WWOX: variants seen among roughly 807,000 people sequenced by gnomAD.
WWOX encodes WW domain-containing oxidoreductase.
Under a neutral mutation model 46.2 loss-of-function variants are expected in WWOX, and 69 were observed. That is an observed-to-expected ratio of 1.49 (90% CI 1.23 to 1.82). The LOEUF is 1.82. WWOX is among the 40% of genes most tolerant of loss of function. WWOX has a pLI of 0.00. For synonymous variants in WWOX, 359 were observed against 202.6 expected, an observed-to-expected ratio of 1.77 and a Z score of -6.56; for missense variants, 919 against 542.6, an observed-to-expected ratio of 1.69 and a Z score of -6.89.
intron 4 of WWOX, among the ~76,000 whole-genome samples, chr16:78,152,405 A>G (rs1026053862): frequency 5.9e-5 from 9 of 152,182 alleles, no homozygotes; most frequent in African/African-American, 9.7e-5. Flanking sequence ...TATTTGTAGG[A>G]TAAATTTCTG....
At chr16:78,977,776 A>G (rs372257655) in intron 8 of WWOX, among the ~76,000 whole-genome samples, 21 of 152,124 alleles carry the variant, frequency 1.4e-4, no homozygotes, top group African/African-American at 4.8e-4. Flanking sequence ...TAGGATCCCA[A>G]ACATGCACTC....
intron 8 of WWOX, among the ~76,000 whole-genome samples, chr16:78,718,732 T>G (rs11861663): frequency 0.029 from 4,484 of 152,114 alleles, 213 homozygotes; most frequent in African/African-American, 0.1. Context: ...GTTCCAATGT[T>G]TCTGAAGGAT....
intron 8 of WWOX, among the ~76,000 whole-genome samples, chr16:78,536,667 C>T (rs1339113518): frequency 4.6e-5 from 7 of 152,094 alleles, no homozygotes; most frequent in Non-Finnish European, 7.4e-5. Flanking sequence ...GGGATTGTGC[C>T]GGTTTAGCCA....
At chr16:79,112,225 T>A (rs144451554) in intron 8 of WWOX, among the ~76,000 whole-genome samples, 19 of 152,294 alleles carry the variant, frequency 1.2e-4, no homozygotes, top group Non-Finnish European at 2.4e-4. Flanking sequence ...GACTCTTGGT[T>A]TGTGTCTACT....
intron 5 of WWOX, among the ~76,000 whole-genome samples, chr16:78,282,476 C>T (rs2079695778): frequency 1.3e-5 from 2 of 152,152 alleles, no homozygotes; most frequent in Admixed American, 6.5e-5. Flanking sequence ...TGATACCTGC[C>T]TTGCGTTCTG....
At chr16:78,426,177 T>A (rs1425016229) in intron 7 of WWOX, among the ~76,000 whole-genome samples, 1 of 152,214 alleles carries the variant, frequency 6.6e-6, no homozygotes, top group Non-Finnish European at 1.5e-5. Context: ...TAACAAAATC[T>A]GGACAGCCTT....
intron 5 of WWOX, among the ~76,000 whole-genome samples, chr16:78,199,672 T>C (rs1318261084): frequency 6.6e-6 from 1 of 152,220 alleles, no homozygotes; most frequent in Admixed American, 6.5e-5. Flanking sequence ...TGAGCCTGCG[T>C]AGATGATCTT....
chr16:79,078,598 C>G (rs1014049037), intron 8 of WWOX, among the ~76,000 whole-genome samples: 7 of 152,166 alleles, frequency 4.6e-5, no homozygotes, highest in African/African-American at 7.2e-5. Context: ...ATCTGAGTTC[C>G]TGGGAGCATT....
At chr16:79,183,350 G>A (rs1032036548) in intron 8 of WWOX, among the ~76,000 whole-genome samples, 9 of 152,314 alleles carry the variant, frequency 5.9e-5, no homozygotes, top group African/African-American at 2.2e-4. Flanking sequence ...AGGAGGGAGG[G>A]ACACAAGAAA....
intron 8 of WWOX, among the ~76,000 whole-genome samples, chr16:79,049,421 C>G (rs181867399): frequency 1.3e-5 from 2 of 152,146 alleles, no homozygotes; most frequent in South Asian, 4.1e-4. Context: ...GGACGCAAAA[C>G]CTTGAGGGGC....
At chr16:78,339,956 A>G (rs958307910) in intron 5 of WWOX, among the ~76,000 whole-genome samples, 2 of 64,102 alleles carry the variant, frequency 3.1e-5, no homozygotes, top group Non-Finnish European at 6.4e-5. Context: ...TTTATCCTCT[A>G]TTTATCTTTG....
intron 8 of WWOX, among the ~76,000 whole-genome samples, chr16:78,469,872 GA>G (rs1261133287): frequency 6.6e-6 from 1 of 152,176 alleles, no homozygotes; most frequent in African/African-American, 2.4e-5. Context: ...AAGACAAACC[GA>G]TATCTGTAAC....
intron 8 of WWOX, among the ~76,000 whole-genome samples, chr16:79,103,767 G>C (rs969420125): frequency 2.0e-5 from 3 of 152,090 alleles, no homozygotes; most frequent in African/African-American, 7.2e-5. Flanking sequence ...TTCAGTTTCT[G>C]AGTCCTCAAG....
chr16:78,365,131 A>G (rs1244088424), intron 5 of WWOX, among the ~76,000 whole-genome samples: 1 of 152,196 alleles, frequency 6.6e-6, no homozygotes, highest in African/African-American at 2.4e-5. Context: ...GAAGATGCTA[A>G]TACCTACTTC....
At chr16:78,904,140 G>C (rs571484404) in intron 8 of WWOX, among the ~76,000 whole-genome samples, 1 of 151,654 alleles carries the variant, frequency 6.6e-6, no homozygotes, top group South Asian at 2.1e-4. Context: ...ACTAGCAACA[G>C]ATGTAAAGTC....
rs1377657570 is a variant in WWOX at position 78,344,480 on chromosome 16, T to G, written c.517-42380T>G. ...TCTCTTATGTTTCTGCTTAGATGGC[T>G]GGGTCTATACCAGGGTTTATTTAAA... On this transcript the variant is annotated intron_variant, in intron 5 of 8. Coordinates refer to ENST00000566780, the MANE Select transcript of WWOX (RefSeq NM_016373.4). Among the ~76,000 whole-genome samples the G allele has an allele frequency of 2.5e-5, 3 of 121,678 alleles. 1 individual carries two copies. The highest frequency in any genetic ancestry group is 5.9e-5 in the Non-Finnish European group (3 of 50,810). 79.8% of individuals were successfully genotyped at this position (121,678 alleles called of 152,430 possible). A position where few individuals can be genotyped will look rare whatever the true frequency, so the allele number is the denominator to read the frequency against.
chr16:78,194,132 C>G (rs939338299), intron 5 of WWOX, among the ~76,000 whole-genome samples: 1 of 151,826 alleles, frequency 6.6e-6, no homozygotes, highest in African/African-American at 2.4e-5. Context: ...TCCGCCTCGG[C>G]CTCCCAAAGT....
At chr16:78,572,568 A>C (rs1010965375) in intron 8 of WWOX, among the ~76,000 whole-genome samples, 2 of 134,146 alleles carry the variant, frequency 1.5e-5, no homozygotes, top group South Asian at 2.4e-4. Context: ...GTACCACTGC[A>C]CTCCAGCCTG....
intron 8 of WWOX, among the ~76,000 whole-genome samples, chr16:78,819,230 T>G (rs563263989): frequency 6.6e-6 from 1 of 152,294 alleles, no homozygotes; most frequent in Non-Finnish European, 1.5e-5. Flanking sequence ...GCCAGTTGTC[T>G]TCAGTGACCC....
Sources: gnomAD v4.1 joint callset for allele counts (sites outside exome capture counted in the v4.1 genomes callset) on GRCh38, gnomAD v4.1.1 for gene constraint, MANE v1.5 for transcripts, NCBI Gene and HGNC (gene_info 2026-07-23, HGNC 2026-07-21) for gene names.